IGF1R: variants seen among roughly 807,000 people sequenced by gnomAD.
IGF1R encodes insulin like growth factor 1 receptor, also known as insulin-like growth factor 1 receptor.
Under a neutral mutation model 144.6 loss-of-function variants are expected in IGF1R, and 44 were observed. The ratio of observed to expected loss-of-function variants is 0.30; its 90% CI spans 0.24 to 0.39. The LOEUF is 0.39. Among genes scored for constraint, IGF1R ranks in the 10% least tolerant of loss-of-function variants. The pLI, the probability that IGF1R is intolerant of heterozygous loss-of-function variation, is 1.00. For missense variants in IGF1R, 1,355 were observed against 1,833.7 expected, an observed-to-expected ratio of 0.74 and a Z score of 4.77; for synonymous variants, 795 against 722.8, an observed-to-expected ratio of 1.10 and a Z score of -1.60.
In IGF1R at chr15:98,865,564, G is replaced by A. The variant is rs539114053; in HGVS notation, c.641-25761G>A. Among the ~76,000 whole-genome samples, 15 of 152,344 alleles carry A rather than the reference G, an allele frequency of 9.8e-5. 2 individuals are homozygous for A. Among genetic ancestry groups the A allele is most frequent in the African/African-American group, 3.6e-4 (15 of 41,582 alleles). ...GCATGTGCTAAAGTGGATAGAAAAG[G>A]GAGTGGGGCCCGGGCGTGGCTTTGT... On this transcript the variant is annotated intron_variant, in intron 2 of 20. Transcript: ENST00000650285.
chr15:98,886,111 C>T (rs571460152), intron 2 of IGF1R, among the ~76,000 whole-genome samples: 15 of 152,256 alleles, frequency 9.9e-5, no homozygotes, highest in African/African-American at 3.4e-4. Flanking sequence ...AGCCACCACG[C>T]CCAGCCTATG....
chr15:98,739,412 C>A (rs1183928989), intron 2 of IGF1R, among the ~76,000 whole-genome samples: 1 of 152,030 alleles, frequency 6.6e-6, no homozygotes, highest in Non-Finnish European at 1.5e-5. Flanking sequence ...TTTTCAGAGT[C>A]AAAGTATCAC....
rs1322616037 is a variant in IGF1R at position 98,961,001 on chromosome 15, CTGA to C, written c.*3564_*3566del. On this transcript the variant is annotated 3_prime_UTR_variant, in exon 21 of 21. Transcript: ENST00000650285. ...CTTCCAGCAGCTGCTCTTACAGGCACTGATGATTTCGCTGGGAAGTGTGGCGGG... is the reference window on the plus strand; with the variant it reads ...CTTCCAGCAGCTGCTCTTACAGGCACTGATTTCGCTGGGAAGTGTGGCGGG... 1.3e-5 allele frequency: 3 copies of C among 233,712 alleles called. No individual in the cohort carries two copies. Among genetic ancestry groups the C allele is most frequent in the African/African-American group, 2.2e-5 (1 of 45,352 alleles). The allele number at this position is 233,712 out of a possible 1,614,324, so 14.5% of individuals were successfully genotyped here.
chr15:98,797,553 G>A (rs2056273505), intron 2 of IGF1R, among the ~76,000 whole-genome samples: 1 of 152,204 alleles, frequency 6.6e-6, no homozygotes, highest in Non-Finnish European at 1.5e-5. Flanking sequence ...TGGGGGAGCG[G>A]GGTGGTGTTT....
At chr15:98,680,243 G>GGT (rs1410807585) in intron 1 of IGF1R, among the ~76,000 whole-genome samples, 1 of 151,670 alleles carries the variant, frequency 6.6e-6, no homozygotes, top group East Asian at 1.9e-4. Flanking sequence ...CTTTATTCGT[G>GGT]GTGGTACTCC....
intron 2 of IGF1R, among the ~76,000 whole-genome samples, chr15:98,864,273 T>C: frequency 6.6e-6 from 1 of 152,144 alleles, no homozygotes; most frequent in Non-Finnish European, 1.5e-5. Context: ...AGGCAAACAT[T>C]ACCAACATGG....
intron 1 of IGF1R, among the ~76,000 whole-genome samples, chr15:98,703,341 G>A (rs897393452): frequency 1.4e-4 from 21 of 152,010 alleles, no homozygotes; most frequent in Admixed American, 1.1e-3. Flanking sequence ...TTACTCCCTC[G>A]GTGCATGAAT....
At position 98,669,186 on chromosome 15, in the gene IGF1R, G is replaced by A. The variant is rs45595231; in HGVS notation, c.94+19511G>A. ...GGTTTCCACTGGCTCGGCTCCGTGC[G>A]TGTGCGGATTGGGCTTCCTGAGAGC... On this transcript the variant is annotated intron_variant, in intron 1 of 20. Coordinates refer to ENST00000650285, the MANE Select transcript of IGF1R (RefSeq NM_000875.5). Among the ~76,000 whole-genome samples the A allele has an allele frequency of 7.8e-3, 1,188 of 152,278 alleles. 15 individuals carry two copies. Among genetic ancestry groups the A allele is most frequent in the African/African-American group, 0.027 (1,141 of 41,552 alleles).
chr15:98,667,536 A>G (rs2141189392), intron 1 of IGF1R, among the ~76,000 whole-genome samples: 1 of 152,326 alleles, frequency 6.6e-6, no homozygotes, highest in African/African-American at 2.4e-5. Context: ...GTCGAAGGCC[A>G]GGTCCGCCTG....
rs11542591 is a variant in IGF1R, at chr15:98,962,988, T to A, written c.*5546T>A. 1 of 233,600 alleles carries A rather than the reference T, an allele frequency of 4.3e-6. No homozygotes were observed. Among genetic ancestry groups the A allele is most frequent in the East Asian group, 6.0e-5 (1 of 16,604 alleles). 14.5% of individuals were successfully genotyped at this position (233,600 alleles called of 1,614,324 possible). On this transcript the variant is annotated 3_prime_UTR_variant, in exon 21 of 21. Coordinates refer to ENST00000650285, the MANE Select transcript of IGF1R (RefSeq NM_000875.5). Reference sequence around the variant, plus strand: ...TGTGTCCGCATCTTTCTGGTCAACATTGTTTTAACTAGTCACTCATTAGCG... The same window carrying A: ...TGTGTCCGCATCTTTCTGGTCAACAATGTTTTAACTAGTCACTCATTAGCG...
chr15:98,816,179 C>G (rs192799933), intron 2 of IGF1R, among the ~76,000 whole-genome samples: 1 of 152,204 alleles, frequency 6.6e-6, no homozygotes, highest in African/African-American at 2.4e-5. Context: ...AATCATGGGT[C>G]TCATCCTTGT....
At chr15:98,907,660 G>C (rs143538547) in intron 5 of IGF1R, among the ~76,000 whole-genome samples, 1 of 152,198 alleles carries the variant, frequency 6.6e-6, no homozygotes, top group Non-Finnish European at 1.5e-5. Flanking sequence ...GGCCCACTGC[G>C]GGGATCTTTC....
chr15:98,785,837 G>A (rs1457517240), intron 2 of IGF1R, among the ~76,000 whole-genome samples: 1 of 152,154 alleles, frequency 6.6e-6, no homozygotes, highest in Non-Finnish European at 1.5e-5. Flanking sequence ...CCCCAATAAA[G>A]CATCTGTATT....
chr15:98,916,200 C>T lies in IGF1R; in HGVS notation c.1996+69C>T, dbSNP rs567863934. 4.1e-6 allele frequency: 6 copies of T among 1,455,752 alleles called. No individual in the cohort carries two copies. In the Admixed American group the frequency reaches 1.0e-4, roughly 25 times the overall value. The allele number at this position is 1,455,752 out of a possible 1,614,324, so 90.2% of individuals were successfully genotyped here. ...TTCCTGTGGTTGTAATGTGCCTGAG[C>T]CCTAATATTACACGTATCAGACAAC... On this transcript the variant is annotated intron_variant, in intron 9 of 20. Coordinates refer to ENST00000650285, the MANE Select transcript of IGF1R (RefSeq NM_000875.5).
intron 2 of IGF1R, among the ~76,000 whole-genome samples, chr15:98,724,563 G>A (rs1010059111): frequency 1.3e-5 from 2 of 152,222 alleles, no homozygotes; most frequent in Non-Finnish European, 2.9e-5. Context: ...TGAGACCTCT[G>A]TAATAGACAC....
rs1244125854 is a variant in IGF1R, at chr15:98,960,710, G to A, written c.*3268G>A. The A allele has an allele frequency of 4.3e-6, 1 of 233,344 alleles. No individual in the cohort carries two copies. The highest frequency in any genetic ancestry group is 1.8e-4 in the South Asian group (1 of 5,538). The allele number at this position is 233,344 out of a possible 1,614,324, so 14.5% of individuals were successfully genotyped here. A position where few individuals can be genotyped will look rare whatever the true frequency, so the allele number is the denominator to read the frequency against. ...GCAGCTGGAGAGCAAGAGTCACCCA[G>A]CCTGTGCGCCAGAATGCAGAGGCTC... On this transcript the variant is annotated 3_prime_UTR_variant, in exon 21 of 21. Coordinates refer to ENST00000650285, the MANE Select transcript of IGF1R (RefSeq NM_000875.5).
intron 2 of IGF1R, among the ~76,000 whole-genome samples, chr15:98,845,995 G>C (rs567305340): frequency 1.3e-5 from 2 of 152,268 alleles, no homozygotes; most frequent in East Asian, 3.9e-4. Flanking sequence ...TTTTGCTGTT[G>C]TGATATGACT....
chr15:98,868,533 C>A (rs116050552), intron 2 of IGF1R, among the ~76,000 whole-genome samples: 1 of 151,750 alleles, frequency 6.6e-6, no homozygotes, highest in Admixed American at 6.6e-5. Context: ...CTACGAGTTA[C>A]GAGAATTACG....
At chr15:98,727,213 G>A (rs916478237) in intron 2 of IGF1R, among the ~76,000 whole-genome samples, 5 of 152,204 alleles carry the variant, frequency 3.3e-5, no homozygotes, top group Non-Finnish European at 7.3e-5. Context: ...AGAAAGGTAT[G>A]TGGTTTCCAG....
Sources: allele counts gnomAD v4.1 joint callset (sites outside exome capture counted in the v4.1 genomes callset), GRCh38; gene constraint gnomAD v4.1.1; transcripts MANE v1.5; gene names NCBI Gene and HGNC (gene_info 2026-07-23, HGNC 2026-07-21).